The following CEP126 variants were observed in gnomAD, a reference collection of about 807,000 sequenced individuals.
The protein encoded by CEP126 is centrosomal protein 126.
CEP126 carries 74 observed loss-of-function variants against 107.8 expected under a neutral mutation model. That is an observed-to-expected ratio of 0.69 (90% CI 0.57 to 0.83). The LOEUF (loss-of-function observed/expected upper bound fraction) is 0.83. Ranked by LOEUF, CEP126 falls within the 40% of genes least tolerant of loss-of-function variation. The pLI is 0.00. For synonymous variants in CEP126, 449 were observed against 446.0 expected (o/e 1.01, Z -0.08); for missense variants, 1,237 against 1,281.9 (o/e 0.96, Z 0.53).
rs1941457248 is a variant in CEP126, at chr11:101,997,602, A to G, written c.3313A>G (p.Lys1105Glu). ...GTTTCTTCTTTCTGATTTCCAGGAG[A>G]AGAGAGAAGATAGAACCAGCAGCTG... ...NTLQIIPLLE[K>E]REDRTSSCRD... is the part of the protein sequence containing the mutation. Residue 1105 changes from lysine (K) to glutamate (E), a missense_variant, in exon 11 of 11, where the codon AAG becomes GAG. Physicochemically the swap from Lys to Glu is moderately conservative, Grantham distance 56 (BLOSUM62 1). Transcript: ENST00000263468. 6.2e-7 allele frequency: 1 copy of G among 1,613,946 alleles called. No homozygotes were observed. The highest frequency in any genetic ancestry group is 2.2e-5 in the East Asian group (1 of 44,866).
intron 7 of CEP126, among the ~76,000 whole-genome samples, chr11:101,979,887 G>A (rs2137125765): frequency 6.6e-6 from 1 of 152,282 alleles, no homozygotes; most frequent in Non-Finnish European, 1.5e-5. Context: ...AGATAGATAA[G>A]TAAATAGCAT....
At chr11:101,986,400 G>C (rs1471888232) in intron 8 of CEP126, among the ~76,000 whole-genome samples, 1 of 152,184 alleles carries the variant, frequency 6.6e-6, no homozygotes, top group East Asian at 1.9e-4. Flanking sequence ...TTTCTAGGCT[G>C]TCAGTTCTGT....
chr11:101,995,709 A>C (rs1941434100), intron 10 of CEP126, among the ~76,000 whole-genome samples: 2 of 152,222 alleles, frequency 1.3e-5, no homozygotes, highest in Admixed American at 6.5e-5. Context: ...GACTTCTCTT[A>C]GTCACCAATC....
At position 101,986,878 on chromosome 11, in the gene CEP126, A is replaced by G; in HGVS notation, c.3081A>G (p.Lys1027=). 1 of 1,613,908 alleles carries G rather than the reference A, an allele frequency of 6.2e-7. No individual in the cohort carries two copies. The highest frequency in any genetic ancestry group is 8.5e-7 in the Non-Finnish European group (1 of 1,179,874). Residue 1027 remains lysine, a synonymous_variant, in exon 9 of 11, where the codon AAA becomes AAG. Coordinates refer to ENST00000263468, the MANE Select transcript of CEP126 (RefSeq NM_020802.4). ...SEFLMAENLV[K]ASVPEDEILT... ...TTTTGATGGCTGAAAACTTAGTGAAAGCATCAGTGCCGGAGGATGAGATTC... is the reference window on the plus strand; with the variant it reads ...TTTTGATGGCTGAAAACTTAGTGAAGGCATCAGTGCCGGAGGATGAGATTC...
intron 7 of CEP126, among the ~76,000 whole-genome samples, chr11:101,979,760 A>C (rs1406319287): frequency 6.6e-6 from 1 of 152,096 alleles, no homozygotes; most frequent in Non-Finnish European, 1.5e-5. Context: ...AAATAAATAA[A>C]ATTAAAATTA....
intron 2 of CEP126, among the ~76,000 whole-genome samples, chr11:101,926,286 G>A (rs1358731059): frequency 6.6e-6 from 1 of 151,818 alleles, no homozygotes; most frequent in African/African-American, 2.4e-5. Flanking sequence ...AGTTAGCCAG[G>A]GAAGATGAAG....
intron 1 of CEP126, among the ~76,000 whole-genome samples, chr11:101,921,773 ATTTCT>A (rs1940331294): frequency 2.1e-5 from 2 of 95,052 alleles, no homozygotes; most frequent in African/African-American, 7.8e-5. Context: ...GAAGTTCATG[ATTTCT>A]TTTTTTTTTT....
At chr11:101,921,924 T>C (rs1461957110) in intron 1 of CEP126, among the ~76,000 whole-genome samples, 8 of 149,644 alleles carry the variant, frequency 5.3e-5, no homozygotes, top group African/African-American at 1.7e-4. Context: ...TAGTTGAGAT[T>C]ACAGGTACCC....
chr11:101,969,588 A>G (rs1049124171), intron 6 of CEP126, among the ~76,000 whole-genome samples: 11 of 152,368 alleles, frequency 7.2e-5, no homozygotes, highest in Admixed American at 6.5e-4. Context: ...TATAATCTCT[A>G]TCAAAGTTCC....
At chr11:101,915,693 C>A (rs1219735699) in intron 1 of CEP126, among the ~76,000 whole-genome samples, 2 of 152,282 alleles carry the variant, frequency 1.3e-5, no homozygotes, top group Non-Finnish European at 2.9e-5. Context: ...ACTGTGTATT[C>A]TGTGGGGATA....
At chr11:101,944,034 T>A (rs1940703607) in intron 2 of CEP126, among the ~76,000 whole-genome samples, 1 of 152,128 alleles carries the variant, frequency 6.6e-6, no homozygotes, top group African/African-American at 2.4e-5. Flanking sequence ...TAGAAAGGGC[T>A]GCATTAGAGA....
chr11:101,915,147 G>A lies in CEP126; in HGVS notation c.-138G>A. On this transcript the variant is annotated 5_prime_UTR_variant, in exon 1 of 11. Transcript: ENST00000263468. ...CCGCTGCGCGGGAGCTAGGGCTGTC[G>A]AGGCCAACCCTTCCGCGCCCGTGAC... The A allele has an allele frequency of 1.5e-6, 2 of 1,341,202 alleles. No homozygotes were observed. The highest frequency in any genetic ancestry group is 1.5e-5 in the African/African-American group (1 of 68,646). 83.1% of individuals were successfully genotyped at this position (1,341,202 alleles called of 1,614,324 possible).
chr11:101,968,977 A>AT (rs1382644459), intron 6 of CEP126, among the ~76,000 whole-genome samples: 1 of 152,160 alleles, frequency 6.6e-6, no homozygotes, highest in African/African-American at 2.4e-5. Context: ...TACCTGGAAA[A>AT]TTTAACACAG....
At chr11:101,922,221 A>G (rs1460862628) in intron 1 of CEP126, among the ~76,000 whole-genome samples, 1 of 147,774 alleles carries the variant, frequency 6.8e-6, no homozygotes, top group Non-Finnish European at 1.5e-5. Context: ...CTGGAGTGCA[A>G]TGGCACAACC....
At chr11:101,964,360 C>T (rs1373871306) in intron 6 of CEP126, among the ~76,000 whole-genome samples, 1 of 151,454 alleles carries the variant, frequency 6.6e-6, no homozygotes, top group Non-Finnish European at 1.5e-5. Context: ...TGGCCAGGCA[C>T]GGTGGCTCAT....
intron 2 of CEP126, among the ~76,000 whole-genome samples, chr11:101,935,600 A>G (rs957960713): frequency 2.6e-5 from 4 of 152,060 alleles, no homozygotes; most frequent in Non-Finnish European, 4.4e-5. Context: ...TTCACCATTC[A>G]GTGGTCTTGA....
chr11:101,969,317 A>G (rs1224623302), intron 6 of CEP126, among the ~76,000 whole-genome samples: 1 of 152,202 alleles, frequency 6.6e-6, no homozygotes, highest in Non-Finnish European at 1.5e-5. Context: ...CACCACACCC[A>G]GCCAACAATG....
At chr11:101,954,371 T>C (rs1302782249) in intron 4 of CEP126, among the ~76,000 whole-genome samples, 3 of 152,188 alleles carry the variant, frequency 2.0e-5, no homozygotes, top group Non-Finnish European at 4.4e-5. Context: ...AAGAAAAGCA[T>C]AGGCGTTTTT....
intron 3 of CEP126, 22 bp from the exon 4 acceptor site, chr11:101,948,009 T>G: frequency 1.4e-6 from 2 of 1,392,642 alleles, no homozygotes; most frequent in Non-Finnish European, 2.0e-6. Context: ...TCTGTACTGT[T>G]CGGTCTTTAT....
Sources: allele counts gnomAD v4.1 joint callset (sites outside exome capture counted in the v4.1 genomes callset), GRCh38; gene constraint gnomAD v4.1.1; transcripts MANE v1.5; gene names NCBI Gene and HGNC (gene_info 2026-07-23, HGNC 2026-07-21).